The following ALK variants were observed in gnomAD, a reference collection of about 807,000 sequenced individuals.
ALK encodes ALK receptor tyrosine kinase, also known as ALK tyrosine kinase receptor.
A neutral mutation model predicts 163.1 loss-of-function variants in ALK; 74 were observed. The observed-to-expected ratio is 0.45, with a 90% confidence interval of 0.38 to 0.55. ALK has a LOEUF of 0.55. Among genes scored for constraint, ALK ranks in the 20% least tolerant of loss-of-function variants. ALK has a pLI of 0.00. For synonymous variants in ALK, 960 were observed against 843.2 expected (o/e 1.14, Z -2.40); for missense variants, 2,063 against 2,105.3 (o/e 0.98, Z 0.39).
chr2:29,405,612 C>T (rs1386639184), intron 4 of ALK, among the ~76,000 whole-genome samples: 1 of 152,126 alleles, frequency 6.6e-6, no homozygotes, highest in African/African-American at 2.4e-5. Flanking sequence ...AGCTAGCCCT[C>T]CTTTACCTAT....
intron 1 of ALK, among the ~76,000 whole-genome samples, chr2:29,836,169 C>G (rs1665553844): frequency 6.6e-6 from 1 of 152,194 alleles, no homozygotes; most frequent in South Asian, 2.1e-4. Context: ...CCCTTGTATA[C>G]TAATTCTCAC....
chr2:29,874,124 T>C (rs996155235), intron 1 of ALK, among the ~76,000 whole-genome samples: 5 of 152,308 alleles, frequency 3.3e-5, no homozygotes, highest in Non-Finnish European at 5.9e-5. Context: ...ACAAATTCTC[T>C]TGTACCATTG....
At chr2:29,747,985 T>G (rs961499426) in intron 1 of ALK, among the ~76,000 whole-genome samples, 57 of 152,338 alleles carry the variant, frequency 3.7e-4, no homozygotes, top group African/African-American at 1.3e-3. Context: ...ATGAGTCATG[T>G]GAATCCTAAA....
At chr2:29,242,043 G>C (rs902848666) in intron 12 of ALK, among the ~76,000 whole-genome samples, 16 of 152,184 alleles carry the variant, frequency 1.1e-4, no homozygotes, top group African/African-American at 3.6e-4. Flanking sequence ...ATGAGAAATG[G>C]ACAAGGTGAT....
chr2:29,625,064 G>A (rs935042384), intron 3 of ALK, among the ~76,000 whole-genome samples: 14 of 152,186 alleles, frequency 9.2e-5, no homozygotes, highest in African/African-American at 3.4e-4. Flanking sequence ...AGTGTGGGGA[G>A]GCAGTCAGAG....
At position 29,225,449 on chromosome 2, in the gene ALK, C is replaced by T. The variant is rs1271239593; in HGVS notation, c.3172+12G>A. Reference sequence around the variant, plus strand: ...TGCCCCCTTGGGAGTCCCTGGGGCTCTGTGCACTCACCAATCATGATGCCG... The same window carrying T: ...TGCCCCCTTGGGAGTCCCTGGGGCTTTGTGCACTCACCAATCATGATGCCG... On this transcript the variant is annotated intron_variant, in intron 19 of 28. Transcript: ENST00000389048. 1.1e-5 allele frequency: 18 copies of T among 1,608,218 alleles called. No homozygotes were observed. Among genetic ancestry groups the T allele is most frequent in the Non-Finnish European group, 1.4e-5 (16 of 1,176,900 alleles).
chr2:29,585,666 T>C (rs768334503), intron 3 of ALK, among the ~76,000 whole-genome samples: 7 of 152,172 alleles, frequency 4.6e-5, no homozygotes, highest in Non-Finnish European at 7.4e-5. Context: ...ATATACCATA[T>C]ACAAATTTTT....
chr2:29,423,975 G>A (rs1030949232), intron 4 of ALK, among the ~76,000 whole-genome samples: 3 of 152,074 alleles, frequency 2.0e-5, no homozygotes, highest in African/African-American at 4.8e-5. Context: ...GGTAGCCATT[G>A]TAAAAGTTTG....
At chr2:29,266,349 G>T (rs979186235) in intron 11 of ALK, among the ~76,000 whole-genome samples, 8 of 152,188 alleles carry the variant, frequency 5.3e-5, no homozygotes, top group African/African-American at 1.9e-4. Flanking sequence ...ATAAGAGTGT[G>T]CAGCTCATAG....
chr2:29,261,783 C>T (rs556911926), intron 11 of ALK, among the ~76,000 whole-genome samples: 7 of 152,282 alleles, frequency 4.6e-5, no homozygotes, highest in South Asian at 2.1e-4. Flanking sequence ...AGGTGTCTCT[C>T]GGTACTGCAG....
chr2:29,397,266 T>C (rs890788858), intron 4 of ALK, among the ~76,000 whole-genome samples: 1 of 152,058 alleles, frequency 6.6e-6, no homozygotes, highest in Non-Finnish European at 1.5e-5. Context: ...CAGAGACAGA[T>C]ACACACACAG....
rs368695200 is a variant in ALK at position 29,867,807 on chromosome 2, G to C, written c.667+52186C>G. Among the ~76,000 whole-genome samples, 41 of 152,286 alleles carry C rather than the reference G, an allele frequency of 2.7e-4. No homozygotes were observed. In the South Asian group the frequency reaches 8.5e-3, roughly 32 times the overall value. On this transcript the variant is annotated intron_variant, in intron 1 of 28. Coordinates refer to ENST00000389048, the MANE Select transcript of ALK (RefSeq NM_004304.5). The stretch of plus-strand genomic sequence containing the variant: ...TCTGCAAATGGGATCCCCTATATTT[G>C]ACCTTCATGCTTCTCAGGGTTGTTC...
At chr2:29,508,661 T>C (rs138502581) in intron 4 of ALK, among the ~76,000 whole-genome samples, 10,844 of 139,888 alleles carry the variant, frequency 0.078, 555 homozygotes, top group Middle Eastern at 0.11. Flanking sequence ...CTAACCTGCA[T>C]GTTGTGCACA....
In ALK at chr2:29,467,607, A is replaced by G. The variant is rs1671244036; in HGVS notation, c.1154+64308T>C. ...GGAATCTGCTCATTCTTTCTGGTATAAAAGCCTATCCACTAGACCAGTTCC... is the reference window on the plus strand; with the variant it reads ...GGAATCTGCTCATTCTTTCTGGTATGAAAGCCTATCCACTAGACCAGTTCC... On this transcript the variant is annotated intron_variant, in intron 4 of 28. Coordinates refer to ENST00000389048, the MANE Select transcript of ALK (RefSeq NM_004304.5). 2.0e-5 allele frequency among the ~76,000 whole-genome samples: 3 copies of G among 152,352 alleles called. No homozygotes were observed. The South Asian group carries it at 6.2e-4, about 32-fold the overall frequency.
rs535441820 is a variant in ALK, at chr2:29,275,093, C to A, written c.2041+6G>T. 3 of 1,614,002 alleles carry A rather than the reference C, an allele frequency of 1.9e-6. No homozygotes were observed. The highest frequency in any genetic ancestry group is 4.5e-5 in the East Asian group (2 of 44,884). Reference sequence around the variant, plus strand: ...CTGTGCTCACATTTGTGAGCTGAACCCTTACCTGTAGGGTCAAAGATGGGG... The same window carrying A: ...CTGTGCTCACATTTGTGAGCTGAACACTTACCTGTAGGGTCAAAGATGGGG... On this transcript the variant is annotated splice_donor_region_variant and intron_variant, in intron 11 of 28. Coordinates refer to ENST00000389048, the MANE Select transcript of ALK (RefSeq NM_004304.5).
chr2:29,885,958 C>T (rs1294181763), intron 1 of ALK, among the ~76,000 whole-genome samples: 3 of 152,022 alleles, frequency 2.0e-5, no homozygotes, highest in Admixed American at 2.0e-4. Flanking sequence ...ATATGCCTGC[C>T]TCTCCTGCCT....
chr2:29,297,933 G>A (rs1666245957), intron 8 of ALK, among the ~76,000 whole-genome samples: 1 of 152,190 alleles, frequency 6.6e-6, no homozygotes, highest in Admixed American at 6.5e-5. Flanking sequence ...AGAAAGAAAG[G>A]TAAAATATGT....
At chr2:29,647,669 A>C (rs149902673) in intron 3 of ALK, among the ~76,000 whole-genome samples, 4 of 151,818 alleles carry the variant, frequency 2.6e-5, no homozygotes, top group African/African-American at 9.7e-5. Flanking sequence ...CCGTCCATAC[A>C]CTTAGCTTGA....
At chr2:29,275,540 G>A (rs1033722664) in intron 9 of ALK, 44 bp from the exon 10 acceptor site, 4 of 1,601,036 alleles carry the variant, frequency 2.5e-6, no homozygotes, top group African/African-American at 1.3e-5. Context: ...AAACTGGGGG[G>A]TCTTGTCTTA....
Sources: gnomAD v4.1 joint callset for allele counts (sites outside exome capture counted in the v4.1 genomes callset) on GRCh38, gnomAD v4.1.1 for gene constraint, MANE v1.5 for transcripts, NCBI Gene and HGNC (gene_info 2026-07-23, HGNC 2026-07-21) for gene names.